The following PTH2R variants were observed in gnomAD, a reference collection of about 807,000 sequenced individuals.
The protein encoded by PTH2R is PTH2 receptor.
PTH2R carries 59 observed loss-of-function variants against 60.3 expected under a neutral mutation model. The ratio of observed to expected loss-of-function variants is 0.98; its 90% CI spans 0.79 to 1.22. PTH2R has a LOEUF of 1.22. PTH2R is among the 50% of genes most tolerant of loss of function. PTH2R has a pLI of 0.00. For synonymous variants in PTH2R, 256 were observed against 243.8 expected (o/e 1.05, Z -0.47); for missense variants, 749 against 682.6 (o/e 1.10, Z -1.08).
intron 1 of PTH2R, among the ~76,000 whole-genome samples, chr2:208,382,475 C>G (rs181623761): frequency 1.3e-5 from 2 of 151,180 alleles, no homozygotes; most frequent in Admixed American, 6.6e-5. Context: ...TGTCTACAAC[C>G]TAAGAGAATC....
upstream of PTH2R, among the ~76,000 whole-genome samples, chr2:208,405,621 T>C (rs1234897954): frequency 3.3e-5 from 5 of 152,208 alleles, no homozygotes; most frequent in African/African-American, 7.2e-5. Flanking sequence ...CTAATACTTA[T>C]TGAGCATTTC....
In PTH2R at chr2:208,493,389, CCAGT is replaced by C; in HGVS notation, c.1386_1389del (p.Gln462HisfsTer63). 6.2e-7 allele frequency: 1 copy of C among 1,609,908 alleles called. No individual in the cohort carries two copies. Among genetic ancestry groups the C allele is most frequent in the Non-Finnish European group, 8.5e-7 (1 of 1,177,218 alleles). The stretch of plus-strand genomic sequence containing the variant: ...CCACCGTGACGCACAGCACCAGCAG[CCAGT>C]CACAGGTGGCGGCCAGCACACGCAT... On this transcript the variant is annotated frameshift_variant, in exon 13 of 13. Coordinates refer to ENST00000272847, the MANE Select transcript of PTH2R (RefSeq NM_005048.4). LOFTEE classifies it low-confidence loss of function (END_TRUNC).
In PTH2R at chr2:208,421,139, C is replaced by T. The variant is rs193235245; in HGVS notation, c.76-7062C>T. Among the ~76,000 whole-genome samples, 104 of 152,214 alleles carry T rather than the reference C, an allele frequency of 6.8e-4. 1 individual carries two copies. Among genetic ancestry groups the T allele is most frequent in the East Asian group, 4.0e-3 (21 of 5,190 alleles). On this transcript the variant is annotated intron_variant, in intron 1 of 12. Transcript: ENST00000272847. Reference sequence around the variant, plus strand: ...TTGAAGGATGACAGCTCAATGTGATCGCATTCTTAATGTTTTCATTTAACT... The same window carrying T: ...TTGAAGGATGACAGCTCAATGTGATTGCATTCTTAATGTTTTCATTTAACT...
intron 1 of PTH2R, among the ~76,000 whole-genome samples, chr2:208,414,618 C>A (rs187527688): frequency 1.3e-5 from 2 of 151,718 alleles, no homozygotes; most frequent in Admixed American, 1.3e-4. Flanking sequence ...TTGATACATC[C>A]TCAGTTCTCA....
chr2:208,480,252 C>G (rs1703115588), intron 9 of PTH2R, among the ~76,000 whole-genome samples: 1 of 152,212 alleles, frequency 6.6e-6, no homozygotes, highest in Non-Finnish European at 1.5e-5. Context: ...TGCCCCTGCT[C>G]TGGCAGGGAC....
intron 1 of PTH2R, among the ~76,000 whole-genome samples, chr2:208,365,543 G>A (rs1700561812): frequency 6.6e-6 from 1 of 152,018 alleles, no homozygotes; most frequent in South Asian, 2.1e-4. Context: ...CTTGATCATG[G>A]TGAATGATCT....
intron 1 of PTH2R, among the ~76,000 whole-genome samples, chr2:208,409,306 A>G (rs78481527): frequency 0.033 from 5,065 of 152,278 alleles, 261 homozygotes; most frequent in African/African-American, 0.11. Flanking sequence ...TTTTAATTCT[A>G]TAAGTCTTGG....
chr2:208,426,102 G>A (rs1023707606), intron 1 of PTH2R, among the ~76,000 whole-genome samples: 1 of 152,150 alleles, frequency 6.6e-6, no homozygotes, highest in African/African-American at 2.4e-5. Context: ...GAATAAATGT[G>A]AATATTGGGT....
At chr2:208,417,062 GA>G (rs1408327442) in intron 1 of PTH2R, among the ~76,000 whole-genome samples, 3 of 151,878 alleles carry the variant, frequency 2.0e-5, no homozygotes, top group African/African-American at 4.8e-5. Flanking sequence ...AAGGGATGAA[GA>G]AAAAAAGAGT....
At chr2:208,379,433 G>T (rs1176056937) in intron 1 of PTH2R, among the ~76,000 whole-genome samples, 4 of 152,044 alleles carry the variant, frequency 2.6e-5, no homozygotes, top group African/African-American at 4.8e-5. Flanking sequence ...GTAATCAACT[G>T]CAGTGATAAA....
upstream of PTH2R, chr2:208,406,705 G>A: frequency 4.7e-6 from 1 of 215,048 alleles, no homozygotes; most frequent in Non-Finnish European, 9.2e-6. Flanking sequence ...GAGCGCGAGC[G>A]CAGCCGCGCG....
chr2:208,465,782 A>C (rs985411698), intron 9 of PTH2R, among the ~76,000 whole-genome samples: 1 of 152,134 alleles, frequency 6.6e-6, no homozygotes. Context: ...CATTAAAAAC[A>C]TGTACTTGCA....
At chr2:208,361,082 CTT>C (rs1360815756) in intron 1 of PTH2R, 3 of 189,170 alleles carry the variant, frequency 1.6e-5, no homozygotes, top group Middle Eastern at 5.5e-3. Context: ...CCACAGCAAA[CTT>C]GTCCTGTGGG....
At chr2:208,456,128 A>T (rs1702508836) in intron 8 of PTH2R, among the ~76,000 whole-genome samples, 1 of 151,922 alleles carries the variant, frequency 6.6e-6, no homozygotes, top group African/African-American at 2.4e-5. Flanking sequence ...TGTAATTCCA[A>T]ATACTTGGGA....
chr2:208,471,440 A>G, intron 9 of PTH2R, among the ~76,000 whole-genome samples: 1 of 152,348 alleles, frequency 6.6e-6, no homozygotes, highest in Non-Finnish European at 1.5e-5. Context: ...TGCTCCAGCC[A>G]TGGCTGAAAG....
intron 7 of PTH2R, among the ~76,000 whole-genome samples, chr2:208,449,955 A>G (rs1378515138): frequency 1.3e-5 from 2 of 152,164 alleles, no homozygotes; most frequent in East Asian, 3.8e-4. Flanking sequence ...CATAATGAAA[A>G]GTCATCTCTT....
intron 1 of PTH2R, among the ~76,000 whole-genome samples, chr2:208,419,896 C>A (rs2105845133): frequency 6.6e-6 from 1 of 152,238 alleles, no homozygotes; most frequent in Admixed American, 6.5e-5. Context: ...AAATGTCCAA[C>A]AATGATAGAC....
At chr2:208,435,816 C>T (rs922715909) in intron 2 of PTH2R, among the ~76,000 whole-genome samples, 2 of 152,172 alleles carry the variant, frequency 1.3e-5, no homozygotes, top group African/African-American at 4.8e-5. Flanking sequence ...TGTTGACCTA[C>T]AGAAATAGAG....
chr2:208,493,656 C>T lies in PTH2R; in HGVS notation c.1650C>T (p.Leu550=). ...GCCAAGGAGAAACTGAGGATGTTCT[C>T]TGAATGGACATTTGTGGCTGACTTT... ...EGCQGETEDV[L] The change falls in exon 13 of 13, where the codon CTC becomes CTT. Residue 550 remains leucine (L), a synonymous_variant. Transcript: ENST00000272847. 6.5e-7 allele frequency: 1 copy of T among 1,542,082 alleles called. No homozygotes were observed. Among genetic ancestry groups the T allele is most frequent in the Non-Finnish European group, 8.8e-7 (1 of 1,140,830 alleles).
Sources: allele counts gnomAD v4.1 joint callset (sites outside exome capture counted in the v4.1 genomes callset), GRCh38; gene constraint gnomAD v4.1.1; transcripts MANE v1.5; gene names NCBI Gene and HGNC (gene_info 2026-07-23, HGNC 2026-07-21).